Variants in MTMR3 observed in about 807,000 individuals in gnomAD.
MTMR3 encodes the protein phosphatidylinositol-3,5-bisphosphate 3-phosphatase MTMR3.
Under a neutral mutation model 132.4 loss-of-function variants are expected in MTMR3, and 32 were observed. The ratio of observed to expected loss-of-function variants is 0.24; its 90% confidence interval spans 0.18 to 0.32. The LOEUF is 0.32. Among genes scored for constraint, MTMR3 ranks in the 10% least tolerant of loss-of-function variants. The pLI, the probability that MTMR3 is intolerant of heterozygous loss-of-function variation, is 1.00. For missense variants in MTMR3, 1,216 were observed against 1,489.6 expected (o/e 0.82, Z 3.02); for synonymous variants, 556 against 550.3 (o/e 1.01, Z -0.14).
At position 30,013,424 on chromosome 22, in the gene MTMR3, T is replaced by G; in HGVS notation, c.1386T>G (p.His462Gln). The change falls in exon 14 of 20, where the codon CAT becomes CAG. Residue 462 changes from histidine to glutamine, a missense_variant. This residue lies in a region of MTMR3 where 106 missense variants were observed against 209.5 expected (regional missense o/e 0.51). Transcript: ENST00000401950. ...FGHKFADRCGHGENSDDLNER... is the reference protein window; with the variant it reads ...FGHKFADRCGQGENSDDLNER... ...ATAAATTTGCTGACCGGTGTGGTCA[T>G]GGGGAGAACTCGGATGATCTGAATG... is the stretch of plus-strand genomic sequence containing the variant. The G allele has an allele frequency of 6.2e-7, 1 of 1,614,124 alleles. No individual in the cohort carries two copies. The highest frequency in any genetic ancestry group is 8.5e-7 in the Non-Finnish European group (1 of 1,179,992).
intron 17 of MTMR3, 48 bp downstream of exon 17, chr22:30,020,932 G>A: frequency 1.3e-6 from 2 of 1,509,412 alleles, no homozygotes; most frequent in Non-Finnish European, 1.8e-6. Flanking sequence ...GAGACGGCAT[G>A]CTGAGGCTGG....
intron 1 of MTMR3, among the ~76,000 whole-genome samples, chr22:29,917,602 C>T (rs1236023364): frequency 6.6e-6 from 1 of 152,214 alleles, no homozygotes; most frequent in African/African-American, 2.4e-5. Flanking sequence ...TATCTGCCTT[C>T]TAATTTGAGC....
chr22:29,918,609 T>TAA (rs1448023748), intron 1 of MTMR3, among the ~76,000 whole-genome samples: 1 of 152,224 alleles, frequency 6.6e-6, no homozygotes, highest in Non-Finnish European at 1.5e-5. Context: ...ACTCAGTTTG[T>TAA]AGACTATGAA....
intron 1 of MTMR3, among the ~76,000 whole-genome samples, chr22:29,906,286 GTCTATCTATCTA>G (rs369642536): frequency 1.1e-4 from 8 of 74,456 alleles, no homozygotes; most frequent in African/African-American, 2.9e-4. Context: ...CTGTCTGTCT[GTCTATCTATCTA>G]TCTATCTATC....
In MTMR3 at chr22:30,019,938, T is replaced by C. The variant is rs1159702875; in HGVS notation, c.2279T>C (p.Leu760Pro). The change falls in exon 17 of 20, where the codon CTG becomes CCG. Residue 760 changes from leucine to proline, a missense_variant. Transcript: ENST00000401950. ...AGCCATCTGGATATGAGCTGGCCTCTGTTCTCACAGGGCATTTCTGAACAG... is the reference window on the plus strand; with the variant it reads ...AGCCATCTGGATATGAGCTGGCCTCCGTTCTCACAGGGCATTTCTGAACAG... ...LRSHLDMSWP[L>P]FSQGISEQQS... 1 of 1,614,228 alleles carries C rather than the reference T, an allele frequency of 6.2e-7. No homozygotes were observed. Among genetic ancestry groups the C allele is most frequent in the East Asian group, 2.2e-5 (1 of 44,882 alleles).
At position 29,888,051 on chromosome 22, in the gene MTMR3, C is replaced by T. The variant is rs2064713175; in HGVS notation, c.-138+4692C>T. On this transcript the variant is annotated intron_variant, in intron 1 of 19. Coordinates refer to ENST00000401950, the MANE Select transcript of MTMR3 (RefSeq NM_021090.4). The stretch of plus-strand genomic sequence containing the variant: ...TTTTTTTTGGACACAGAATCTTGCT[C>T]TGTTTGCCCAGGCTAGAGTGCAGTG... Among the ~76,000 whole-genome samples, 2 of 151,644 alleles carry T rather than the reference C, an allele frequency of 1.3e-5. 1 individual carries two copies. Among genetic ancestry groups the T allele is most frequent in the South Asian group, 4.2e-4 (2 of 4,816 alleles).
At chr22:29,949,242 C>T (rs1177613321) in intron 1 of MTMR3, among the ~76,000 whole-genome samples, 1 of 146,270 alleles carries the variant, frequency 6.8e-6, no homozygotes, top group African/African-American at 2.5e-5. Flanking sequence ...AATCCCAGCA[C>T]TTTGGGAGGC....
chr22:29,974,701 T>C (rs186348178), intron 3 of MTMR3, among the ~76,000 whole-genome samples: 22 of 152,334 alleles, frequency 1.4e-4, no homozygotes, highest in Non-Finnish European at 2.9e-4. Flanking sequence ...TTCAGTTCTG[T>C]GCTAAAAGTC....
intron 2 of MTMR3, among the ~76,000 whole-genome samples, chr22:29,959,032 G>A (rs1227850804): frequency 1.3e-5 from 2 of 152,190 alleles, no homozygotes; most frequent in African/African-American, 2.4e-5. Flanking sequence ...GTTGCTCCGT[G>A]TATTACTTGA....
chr22:29,959,684 G>A (rs748562120), intron 2 of MTMR3, among the ~76,000 whole-genome samples: 2 of 151,888 alleles, frequency 1.3e-5, no homozygotes, highest in Non-Finnish European at 2.9e-5. Flanking sequence ...GGCCAGAAAC[G>A]TAGTAACATA....
intron 6 of MTMR3, 142 bp from the exon 7 acceptor site, chr22:29,991,362 G>A (rs1041956476): frequency 1.4e-6 from 1 of 698,760 alleles, no homozygotes; most frequent in Non-Finnish European, 2.2e-6. Flanking sequence ...TAATGAGCAT[G>A]CGAATGACTG....
chr22:29,907,462 C>A (rs925751250), intron 1 of MTMR3, among the ~76,000 whole-genome samples: 30 of 143,310 alleles, frequency 2.1e-4, no homozygotes, highest in African/African-American at 7.9e-4. Context: ...ACTAAAGCTA[C>A]TTACTAAAGA....
chr22:29,997,434 A>G (rs1416761221), intron 7 of MTMR3: 1 of 152,244 alleles, frequency 6.6e-6, no homozygotes. Flanking sequence ...CACTTATTTT[A>G]CAACCTGTAC....
chr22:29,943,192 CT>C (rs1453264393), intron 1 of MTMR3, among the ~76,000 whole-genome samples: 1 of 151,664 alleles, frequency 6.6e-6, no homozygotes, highest in Admixed American at 6.6e-5. Context: ...GTGTATTTTT[CT>C]TTTTTTCTTT....
chr22:29,950,564 A>G (rs1033801976), intron 1 of MTMR3, among the ~76,000 whole-genome samples: 2 of 152,012 alleles, frequency 1.3e-5, no homozygotes, highest in Non-Finnish European at 2.9e-5. Flanking sequence ...GGGTTTCACC[A>G]TGTTAGTCAG....
In MTMR3 at chr22:29,944,865, T is replaced by C. The variant is rs1039484517; in HGVS notation, c.-137-12171T>C. 3.3e-5 allele frequency among the ~76,000 whole-genome samples: 5 copies of C among 152,358 alleles called. No homozygotes were observed. In the East Asian group the frequency reaches 7.7e-4, roughly 23 times the overall value. The stretch of plus-strand genomic sequence containing the variant: ...TAGAAATGTTTACTTTTATATTTGC[T>C]AAATAGATATTTCAGTCATTGATTC... On this transcript the variant is annotated intron_variant, in intron 1 of 19. Transcript: ENST00000401950.
At chr22:29,960,483 GAGAC>G (rs2066289085) in intron 2 of MTMR3, among the ~76,000 whole-genome samples, 1 of 152,158 alleles carries the variant, frequency 6.6e-6, no homozygotes, top group African/African-American at 2.4e-5. Flanking sequence ...AACAAAAAAG[GAGAC>G]AGTGTTGGAA....
intron 15 of MTMR3, 50 bp from the exon 16 acceptor site, chr22:30,017,873 ATCCT>A: frequency 1.9e-6 from 3 of 1,602,768 alleles, no homozygotes; most frequent in Non-Finnish European, 2.6e-6. Context: ...ATTTCCAGAC[ATCCT>A]AGAAGACTTA....
chr22:29,941,198 C>T (rs1251910116), intron 1 of MTMR3, among the ~76,000 whole-genome samples: 1 of 139,852 alleles, frequency 7.2e-6, no homozygotes, highest in South Asian at 2.1e-4. Context: ...GAGTCAACAT[C>T]ATGCTTTTGA....
Sources: gnomAD v4.1 joint callset for allele counts (sites outside exome capture counted in the v4.1 genomes callset) on GRCh38, gnomAD v4.1.1 for gene constraint, gnomAD v4.1.1 regional missense constraint, MANE v1.5 for transcripts, NCBI Gene and HGNC (gene_info 2026-07-23, HGNC 2026-07-21) for gene names.